ACSM3: variants seen among roughly 807,000 people sequenced by gnomAD.
ACSM3 encodes the protein acyl-coenzyme A synthetase ACSM3, mitochondrial.
A neutral mutation model predicts 74.1 loss-of-function variants in ACSM3; 61 were observed. That is an observed-to-expected ratio of 0.82 (90% CI 0.67 to 1.02). The LOEUF is 1.02. Ranked by LOEUF, ACSM3 falls within the 50% of genes least tolerant of loss-of-function variation. ACSM3 has a pLI of 0.00. For missense variants in ACSM3, 660 were observed against 697.0 expected (o/e 0.95, Z 0.60); for synonymous variants, 213 against 241.5 (o/e 0.88, Z 1.09).
intron 1 of ACSM3, among the ~76,000 whole-genome samples, chr16:20,705,657 A>G (rs1346310773): frequency 6.6e-6 from 1 of 152,208 alleles, no homozygotes; most frequent in Non-Finnish European, 1.5e-5. Flanking sequence ...CAGAGTCTCT[A>G]CAGTATATTA....
At chr16:20,741,344 GA>G in intron 1 of ACSM3, among the ~76,000 whole-genome samples, 1 of 152,336 alleles carries the variant, frequency 6.6e-6, no homozygotes, top group Non-Finnish European at 1.5e-5. Context: ...CGAAGTCTGC[GA>G]GCGTCTCAGG....
At chr16:20,698,126 G>A (rs570073931) in intron 1 of ACSM3, among the ~76,000 whole-genome samples, 2 of 151,024 alleles carry the variant, frequency 1.3e-5, no homozygotes, top group East Asian at 3.9e-4. Flanking sequence ...CACGGGAGGC[G>A]GAGCTTGCAG....
Position 20,741,580 on chromosome 16 carries a change from C to G in ACSM3, c.-189-8330C>G, listed in dbSNP as rs542662713. The G allele has an allele frequency of 3.8e-6, 6 of 1,578,488 alleles. No individual in the cohort carries two copies. In the African/African-American group the frequency reaches 8.1e-5, roughly 21 times the overall value. On this transcript the variant is annotated intron_variant, in intron 1 of 3. Coordinates refer to the ACSM3 transcript ENST00000561584. ...TAGGCCTCCTCCACGCACTTGCGCT[C>G]GTTCATATTGCAGGTGATGAGGATG...
chr16:20,738,257 T>C (rs1282237293), intron 1 of ACSM3: 1 of 482,720 alleles, frequency 2.1e-6, no homozygotes, highest in Non-Finnish European at 4.1e-6. Flanking sequence ...CGTAACACCA[T>C]GCTGTTGTTT....
At chr16:20,796,194 T>G in intron 12 of ACSM3, 176 bp from the exon 13 acceptor site, 2 of 1,095,458 alleles carry the variant, frequency 1.8e-6, no homozygotes, top group Non-Finnish European at 2.5e-6. Flanking sequence ...AGCTCTCCTG[T>G]ATTAGGTACA....
intron 1 of ACSM3, among the ~76,000 whole-genome samples, chr16:20,765,451 C>T (rs974821501): frequency 3.3e-5 from 5 of 152,060 alleles, no homozygotes; most frequent in South Asian, 2.1e-4. Flanking sequence ...TTTCAACATA[C>T]GTTTGAAGGA....
In ACSM3 at chr16:20,796,121, A is replaced by G. The variant is rs118134669; in HGVS notation, c.1555-249A>G. 2,668 of 457,970 alleles carry G rather than the reference A, an allele frequency of 5.8e-3. 15 individuals are homozygous for G. Among genetic ancestry groups the G allele is most frequent in the Non-Finnish European group, 8.5e-3 (2,271 of 268,090 alleles). The allele number at this position is 457,970 out of a possible 1,614,324, so 28.4% of individuals were successfully genotyped here. On this transcript the variant is annotated intron_variant, in intron 12 of 13. Transcript: ENST00000289416. ...GGCAAACTCAGCGTGACTACTGTTTATAAGTAATCCCCCATGCTGAGGGCT... is the reference window on the plus strand; with the variant it reads ...GGCAAACTCAGCGTGACTACTGTTTGTAAGTAATCCCCCATGCTGAGGGCT...
intron 1 of ACSM3, chr16:20,738,844 G>C: frequency 6.3e-7 from 1 of 1,588,026 alleles, no homozygotes; most frequent in Non-Finnish European, 8.6e-7. Context: ...CCCTGAGACA[G>C]GAAGATACCC....
intron 1 of ACSM3, chr16:20,737,926 T>C: frequency 6.2e-7 from 1 of 1,610,516 alleles, no homozygotes; most frequent in South Asian, 1.1e-5. Flanking sequence ...GTACATATCC[T>C]GGAGAATATG....
chr16:20,704,847 A>G (rs1313260710), intron 1 of ACSM3, among the ~76,000 whole-genome samples: 2 of 152,230 alleles, frequency 1.3e-5, no homozygotes, highest in Non-Finnish European at 2.9e-5. Flanking sequence ...AGTTATCATA[A>G]AAGAGGATGA....
chr16:20,748,817 C>T (rs1336374628), intron 1 of ACSM3, among the ~76,000 whole-genome samples: 2 of 151,914 alleles, frequency 1.3e-5, no homozygotes, highest in Non-Finnish European at 2.9e-5. Flanking sequence ...TTTGGGAGGC[C>T]GAGGCAGACA....
intron 1 of ACSM3, chr16:20,735,809 T>C (rs1237697527): frequency 6.6e-6 from 1 of 152,230 alleles, no homozygotes; most frequent in Non-Finnish European, 1.5e-5. Flanking sequence ...CAAAACCTTT[T>C]TTGCATCATA....
intron 1 of ACSM3, among the ~76,000 whole-genome samples, chr16:20,691,751 A>ATGTGTG (rs59929923): frequency 0.015 from 1,968 of 133,978 alleles, 25 homozygotes; most frequent in East Asian, 0.058. Context: ...TACCTCTCCA[A>ATGTGTG]TGTGTGTGTG....
chr16:20,683,391 GT>G (rs2079485178), intron 1 of ACSM3, among the ~76,000 whole-genome samples: 1 of 152,012 alleles, frequency 6.6e-6, no homozygotes, highest in Non-Finnish European at 1.5e-5. Flanking sequence ...GCCTCCCAAA[GT>G]GCTGGGATTA....
rs28456968 is a variant in ACSM3, at chr16:20,711,396, A to G, written c.-190+36574A>G. 3,579 of 541,662 alleles carry G rather than the reference A, an allele frequency of 6.6e-3. 100 individuals are homozygous for G. The highest frequency in any genetic ancestry group is 0.061 in the African/African-American group (3,189 of 51,964). The allele number at this position is 541,662 out of a possible 1,614,324, so 33.6% of individuals were successfully genotyped here. A position where few individuals can be genotyped will look rare whatever the true frequency, so the allele number is the denominator to read the frequency against. On this transcript the variant is annotated intron_variant, in intron 1 of 3. Transcript: ENST00000561584. ...TGGATTGTAATGCTCCTCCTCACCC[A>G]GGCACAAAGCCCAAATCTTCCACCG...
intron 1 of ACSM3, among the ~76,000 whole-genome samples, chr16:20,710,620 C>T (rs1423551398): frequency 6.6e-6 from 1 of 152,102 alleles, no homozygotes; most frequent in African/African-American, 2.4e-5. Flanking sequence ...ACTGGGATTA[C>T]AGGTGTGAGC....
At chr16:20,760,514 C>G (rs2080068361), upstream of ACSM3, among the ~76,000 whole-genome samples, 1 of 152,144 alleles carries the variant, frequency 6.6e-6, no homozygotes, top group African/African-American at 2.4e-5. Context: ...TACAACATTT[C>G]TTACATCTTG....
At chr16:20,742,476 C>G (rs1418738313) in intron 1 of ACSM3, among the ~76,000 whole-genome samples, 2 of 152,038 alleles carry the variant, frequency 1.3e-5, no homozygotes, top group African/African-American at 4.8e-5. Flanking sequence ...ACCAACATCT[C>G]TACTAAAATG....
At chr16:20,753,137 G>C (rs2080001092) in intron 2 of ACSM3, among the ~76,000 whole-genome samples, 1 of 143,410 alleles carries the variant, frequency 7.0e-6, no homozygotes, top group Non-Finnish European at 1.5e-5. Context: ...ACACTGAGTT[G>C]AAAAAAAAAA....
Sources: allele counts gnomAD v4.1 joint callset (sites outside exome capture counted in the v4.1 genomes callset), GRCh38; gene constraint gnomAD v4.1.1; transcripts MANE v1.5; gene names NCBI Gene and HGNC (gene_info 2026-07-23, HGNC 2026-07-21).